The following IGSF10 variants were observed in gnomAD, a reference collection of about 807,000 sequenced individuals.
The protein encoded by IGSF10 is immunoglobulin superfamily member 10.
IGSF10 carries 126 observed loss-of-function variants against 128.2 expected under a neutral mutation model. That is an observed-to-expected ratio of 0.98 (90% CI 0.85 to 1.14). The LOEUF (loss-of-function observed/expected upper bound fraction) is 1.14. IGSF10 is among the 50% of genes most tolerant of loss of function. The pLI is 0.00. For missense variants in IGSF10, 3,295 were observed against 3,149.8 expected (o/e 1.05, Z -1.10); for synonymous variants, 1,185 against 1,146.2 (o/e 1.03, Z -0.68).
At chr3:151,598,025 A>G in the IGSF10 span, among the ~76,000 whole-genome samples, 2 of 151,964 alleles carry the variant, frequency 1.3e-5, no homozygotes, top group Non-Finnish European at 2.9e-5. Flanking sequence ...ACCCATGGAG[A>G]GAGCAATAGC....
At chr3:151,502,762 T>C in the IGSF10 span, among the ~76,000 whole-genome samples, 3 of 152,096 alleles carry the variant, frequency 2.0e-5, no homozygotes, top group Admixed American at 6.6e-5. Context: ...AAAGAGCTCA[T>C]GTAAATTATT....
chr3:151,590,858 T>C, the IGSF10 span, among the ~76,000 whole-genome samples: 6 of 152,210 alleles, frequency 3.9e-5, no homozygotes, highest in Admixed American at 1.3e-4. Flanking sequence ...AAGAATATTG[T>C]GGTAAATTTA....
At chr3:151,453,827 A>AG in intron 4 of IGSF10, 53 bp from the exon 5 acceptor site, 1 of 1,129,624 alleles carries the variant, frequency 8.9e-7, no homozygotes, top group Non-Finnish European at 1.3e-6. Flanking sequence ...TTTTCACAAG[A>AG]GGGAAAAGTC....
At chr3:151,618,790 AAAAT>A in the IGSF10 span, among the ~76,000 whole-genome samples, 244 of 150,078 alleles carry the variant, frequency 1.6e-3, 4 homozygotes, top group South Asian at 0.048. Flanking sequence ...AAATAAAAAT[AAAAT>A]AAATAAAAAA....
At chr3:151,554,404 T>C in the IGSF10 span, among the ~76,000 whole-genome samples, 13 of 152,264 alleles carry the variant, frequency 8.5e-5, no homozygotes, top group African/African-American at 2.9e-4. Flanking sequence ...ACATCTTTAG[T>C]ACCAAACAAC....
chr3:151,482,570 T>G, the IGSF10 span, among the ~76,000 whole-genome samples: 1 of 152,082 alleles, frequency 6.6e-6, no homozygotes, highest in Non-Finnish European at 1.5e-5. Flanking sequence ...CAAACAAATA[T>G]TCAGATTATA....
At chr3:151,553,783 T>C in the IGSF10 span, among the ~76,000 whole-genome samples, 5 of 151,894 alleles carry the variant, frequency 3.3e-5, no homozygotes, top group African/African-American at 1.2e-4. Context: ...TCAAACCCTA[T>C]GTTGAAAAAC....
At chr3:151,514,209 T>C in the IGSF10 span, among the ~76,000 whole-genome samples, 1 of 152,100 alleles carries the variant, frequency 6.6e-6, no homozygotes, top group African/African-American at 2.4e-5. Context: ...TCAAGCTACC[T>C]GACTTCAAAC....
At chr3:151,475,852 G>T in the IGSF10 span, 831 of 160,030 alleles carry the variant, frequency 5.2e-3, 7 homozygotes, top group African/African-American at 0.018. Flanking sequence ...CTTGCTCAAG[G>T]TGTTCAGCTT....
At chr3:151,574,851 T>C in the IGSF10 span, among the ~76,000 whole-genome samples, 1 of 152,200 alleles carries the variant, frequency 6.6e-6, no homozygotes, top group South Asian at 2.1e-4. Context: ...CCCATCTTTG[T>C]GGTTTTATCT....
the IGSF10 span, among the ~76,000 whole-genome samples, chr3:151,517,429 G>C: frequency 6.6e-6 from 1 of 151,976 alleles, no homozygotes; most frequent in African/African-American, 2.4e-5. Flanking sequence ...TTATCCTCCT[G>C]ATAGTCATAA....
chr3:151,528,600 G>A, the IGSF10 span, among the ~76,000 whole-genome samples: 2 of 152,140 alleles, frequency 1.3e-5, no homozygotes, highest in African/African-American at 2.4e-5. Context: ...ACGTACAAAG[G>A]GTTGGGGGAT....
chr3:151,442,429 G>A (rs1440347564), intron 7 of IGSF10, among the ~76,000 whole-genome samples: 1 of 147,928 alleles, frequency 6.8e-6, no homozygotes, highest in East Asian at 2.0e-4. Context: ...GCCTAGGCTG[G>A]AGTGCAGTGG....
At chr3:151,444,196 G>A (rs1367232019) in intron 6 of IGSF10, among the ~76,000 whole-genome samples, 1 of 151,904 alleles carries the variant, frequency 6.6e-6, no homozygotes, top group Non-Finnish European at 1.5e-5. Context: ...AGGATTGCTT[G>A]AGCCCCTGGA....
chr3:151,524,664 G>A, the IGSF10 span, among the ~76,000 whole-genome samples: 1 of 152,130 alleles, frequency 6.6e-6, no homozygotes, highest in Non-Finnish European at 1.5e-5. Flanking sequence ...GAACAGAGAA[G>A]ATAACTATTG....
the IGSF10 span, among the ~76,000 whole-genome samples, chr3:151,558,027 A>ATTATATATATATATTATATATATATAT: frequency 1.9e-4 from 10 of 52,920 alleles, 1 homozygote; most frequent in Admixed American, 1.1e-3. Context: ...TAATATATAT[A>ATTATATATATATATTATATATATATAT]TTGGTACAAT....
the IGSF10 span, among the ~76,000 whole-genome samples, chr3:151,517,568 G>A: frequency 6.6e-6 from 1 of 151,936 alleles, no homozygotes; most frequent in Non-Finnish European, 1.5e-5. Flanking sequence ...TGAGGGCAGT[G>A]TAACCTGTGA....
the IGSF10 span, among the ~76,000 whole-genome samples, chr3:151,500,309 A>G: frequency 1.4e-4 from 14 of 101,644 alleles, no homozygotes; most frequent in Non-Finnish European, 2.2e-4. Context: ...CAGACACTAA[A>G]CAATATCTGA....
chr3:151,452,646 GT>G (rs1160491930), intron 5 of IGSF10, among the ~76,000 whole-genome samples: 2 of 151,994 alleles, frequency 1.3e-5, no homozygotes, highest in Non-Finnish European at 2.9e-5. Flanking sequence ...TATATGATGT[GT>G]TTTTATACAT....
Sources: allele counts gnomAD v4.1 joint callset (sites outside exome capture counted in the v4.1 genomes callset), GRCh38; gene constraint gnomAD v4.1.1; transcripts MANE v1.5; gene names NCBI Gene and HGNC (gene_info 2026-07-23, HGNC 2026-07-21).